Variants in WNT2B observed in about 807,000 individuals in gnomAD.
WNT2B encodes Wnt family member 2B, also known as protein Wnt-2b.
A neutral mutation model predicts 40.5 loss-of-function variants in WNT2B; 19 were observed. That is an observed-to-expected ratio of 0.47 (90% CI 0.33 to 0.69). The LOEUF is 0.69. Ranked by LOEUF, WNT2B falls within the 30% of genes least tolerant of loss-of-function variation. WNT2B has a pLI of 0.02. For missense variants in WNT2B, 467 were observed against 556.4 expected, an observed-to-expected ratio of 0.84 and a Z score of 1.62; for synonymous variants, 220 against 211.9, an observed-to-expected ratio of 1.04 and a Z score of -0.33.
chr1:112,512,267 A>C (rs895317863), intron 1 of WNT2B, among the ~76,000 whole-genome samples: 19 of 152,226 alleles, frequency 1.2e-4, no homozygotes, highest in African/African-American at 4.6e-4. Context: ...TAGTGATTGC[A>C]TACCTACTAT....
chr1:112,491,098 A>G lies in WNT2B; in HGVS notation c.-95+23507A>G, dbSNP rs751768135. ...TTTGCAAAGGTACATGATAATTAAA[A>G]TGTCAGATAACCAATTATAAAAAAT... On this transcript the variant is annotated intron_variant, in intron 1 of 4. Transcript: ENST00000256640. 50 of 1,611,760 alleles carry G rather than the reference A, an allele frequency of 3.1e-5. 1 individual carries two copies. The highest frequency in any genetic ancestry group is 2.5e-4 in the East Asian group (11 of 44,884).
chr1:112,477,886 T>C (rs960768406), intron 1 of WNT2B, among the ~76,000 whole-genome samples: 13 of 152,198 alleles, frequency 8.5e-5, no homozygotes, highest in African/African-American at 2.9e-4. Context: ...AGAAAGCCTA[T>C]GGGATTTATG....
intron 1 of WNT2B, among the ~76,000 whole-genome samples, chr1:112,483,454 A>T (rs751652495): frequency 6.6e-5 from 10 of 152,154 alleles, no homozygotes; most frequent in Non-Finnish European, 1.3e-4. Context: ...TCCATGTCTC[A>T]CACTATATAC....
At chr1:112,518,321 C>G (rs566369743) in intron 4 of WNT2B, 1 of 152,288 alleles carries the variant, frequency 6.6e-6, no homozygotes, top group East Asian at 1.9e-4. Flanking sequence ...CTCCCAGGCT[C>G]TTTTCTACAG....
intron 4 of WNT2B, 42 bp from the exon 5 acceptor site, chr1:112,520,238 A>G: frequency 6.4e-7 from 1 of 1,574,092 alleles, no homozygotes; most frequent in Non-Finnish European, 8.7e-7. Context: ...AGGGCAGCTG[A>G]AGAGATAACT....
intron 4 of WNT2B, among the ~76,000 whole-genome samples, chr1:112,519,094 A>T (rs1221217641): frequency 1.3e-5 from 2 of 152,102 alleles, no homozygotes; most frequent in Admixed American, 1.3e-4. Context: ...AGGACTTAAG[A>T]CCCAGCCCTT....
At position 112,526,188 on chromosome 1, in the gene WNT2B, C is replaced by T. The variant is rs1653348456; in HGVS notation, c.*5679C>T. ...ACAGCCAAGAGAGTATATCTGAGCACAGTTTACAAAGGAACAGCCTAGGCC... is the reference window on the plus strand; with the variant it reads ...ACAGCCAAGAGAGTATATCTGAGCATAGTTTACAAAGGAACAGCCTAGGCC... On this transcript the variant is annotated 3_prime_UTR_variant, in exon 5 of 5. Transcript: ENST00000369684. 2 of 1,594,944 alleles carry T rather than the reference C, an allele frequency of 1.3e-6. No individual in the cohort carries two copies. Among genetic ancestry groups the T allele is most frequent in the Middle Eastern group, 1.8e-4 (1 of 5,616 alleles).
At chr1:112,495,505 C>A (rs1013097600) in intron 1 of WNT2B, among the ~76,000 whole-genome samples, 1 of 151,822 alleles carries the variant, frequency 6.6e-6, no homozygotes, top group African/African-American at 2.4e-5. Context: ...AGGAGAATGG[C>A]GTGAACCCAG....
Position 112,527,367 on chromosome 1 carries a change from GCT to G in WNT2B, c.*6862_*6863del, listed in dbSNP as rs200828716. The G allele has an allele frequency of 6.0e-3, 913 of 152,798 alleles. 11 individuals are homozygous for G. Among genetic ancestry groups the G allele is most frequent in the Non-Finnish European group, 5.6e-3 (380 of 68,128 alleles). 9.5% of individuals were successfully genotyped at this position (152,798 alleles called of 1,614,324 possible). Reference sequence around the variant, plus strand: ...TTTATTTTTTGGTCCATCGATCTTGGCTCTCACTGTTCTCCCTGCTTCCCACC... The same window carrying G: ...TTTATTTTTTGGTCCATCGATCTTGGCTCACTGTTCTCCCTGCTTCCCACC... On this transcript the variant is annotated 3_prime_UTR_variant, in exon 5 of 5. Transcript: ENST00000369684.
rs964465139 is a variant in WNT2B, at chr1:112,509,679, G to T, written c.182+235G>T. On this transcript the variant is annotated intron_variant, in intron 1 of 4. Coordinates refer to ENST00000369684, the MANE Select transcript of WNT2B (RefSeq NM_024494.3). The surrounding 1 kb of genome is among the most constrained non-coding windows in gnomAD (Gnocchi z 4.2). ...CGGAGCAAGGATGCCCGGTGGTCGC[G>T]GCTCCTTAGGCCTCCACGTGCTGTA... Among the ~76,000 whole-genome samples the T allele has an allele frequency of 6.6e-6, 1 of 152,032 alleles. No individual in the cohort carries two copies. The highest frequency in any genetic ancestry group is 2.4e-5 in the African/African-American group (1 of 41,378).
intron 1 of WNT2B, among the ~76,000 whole-genome samples, chr1:112,470,730 T>A (rs1403446368): frequency 6.6e-6 from 1 of 152,070 alleles, no homozygotes; most frequent in Non-Finnish European, 1.5e-5. Flanking sequence ...CAGTCAGCTC[T>A]CAGGCTCACC....
At chr1:112,471,381 C>T (rs747681528) in intron 1 of WNT2B, among the ~76,000 whole-genome samples, 11 of 152,200 alleles carry the variant, frequency 7.2e-5, no homozygotes, top group Non-Finnish European at 1.2e-4. Flanking sequence ...CTGAGTTGAC[C>T]ACTCACTTCC....
In WNT2B at chr1:112,526,295, AT is replaced by A; in HGVS notation, c.*5788del. The A allele has an allele frequency of 3.2e-6, 2 of 622,226 alleles. No individual in the cohort carries two copies. The highest frequency in any genetic ancestry group is 6.7e-5 in the South Asian group (2 of 29,720). 38.5% of individuals were successfully genotyped at this position (622,226 alleles called of 1,614,324 possible). The stretch of plus-strand genomic sequence containing the variant: ...GTACCATGTGACCACTATACAACAT[AT>A]TCCACATTTAAACAACTCTGGCTCC... On this transcript the variant is annotated 3_prime_UTR_variant, in exon 5 of 5. Coordinates refer to ENST00000369684, the MANE Select transcript of WNT2B (RefSeq NM_024494.3).
chr1:112,488,796 T>C (rs1651502958), intron 1 of WNT2B, among the ~76,000 whole-genome samples: 1 of 152,058 alleles, frequency 6.6e-6, no homozygotes, highest in Admixed American at 6.5e-5. Flanking sequence ...CCTCGTGATC[T>C]GCCTGCCTCG....
chr1:112,487,826 C>T (rs1570771407), intron 1 of WNT2B, among the ~76,000 whole-genome samples: 1 of 148,186 alleles, frequency 6.7e-6, no homozygotes, highest in East Asian at 2.0e-4. Flanking sequence ...CCAGCTATGT[C>T]AGGAGGTTGA....
chr1:112,493,714 GGTATAACAT>G (rs983464354), intron 1 of WNT2B, among the ~76,000 whole-genome samples: 4 of 151,826 alleles, frequency 2.6e-5, no homozygotes, highest in African/African-American at 9.7e-5. Flanking sequence ...AACTATAAAA[GGTATAACAT>G]GTATAATGAG....
At position 112,526,002 on chromosome 1, in the gene WNT2B, CA is replaced by C; in HGVS notation, c.*5494del. On this transcript the variant is annotated 3_prime_UTR_variant, in exon 5 of 5. Transcript: ENST00000369684. ...GGTGATTTGTCCAAGGTCACATGAA[CA>C]GTGCGTGGCTCAGCCAGAACTCAAA... 6.2e-7 allele frequency: 1 copy of C among 1,613,832 alleles called. No individual in the cohort carries two copies. The highest frequency in any genetic ancestry group is 8.5e-7 in the Non-Finnish European group (1 of 1,179,820).
rs758731260 is a variant in WNT2B at position 112,515,112 on chromosome 1, C to G, written c.403+18C>G. 6.2e-7 allele frequency: 1 copy of G among 1,610,312 alleles called. No homozygotes were observed. The highest frequency in any genetic ancestry group is 1.7e-5 in the Admixed American group (1 of 59,640). ...GCTCAGAAGTAAGAGCCTCTTCCAT[C>G]CTGTGTCAGCTCCTTCCCTTTCTGT... On this transcript the variant is annotated intron_variant, in intron 2 of 4. Coordinates refer to ENST00000369684, the MANE Select transcript of WNT2B (RefSeq NM_024494.3). This position sits in a 1 kb window ranked among gnomAD's most constrained non-coding sequence, Gnocchi z 4.4.
Position 112,509,199 on chromosome 1 carries a change from G to C in WNT2B, c.-64G>C. The stretch of plus-strand genomic sequence containing the variant: ...GGGGGGTGAGGTAGGAGCAGCCTGA[G>C]TACCCCCAGAAGGTGCCCCGTCCAC... On this transcript the variant is annotated 5_prime_UTR_variant, in exon 1 of 5. Coordinates refer to ENST00000369684, the MANE Select transcript of WNT2B (RefSeq NM_024494.3). The surrounding 1 kb of genome is among the most constrained non-coding windows in gnomAD (Gnocchi z 4.2). The C allele has an allele frequency of 4.2e-6, 6 of 1,430,832 alleles. No homozygotes were observed. The highest frequency in any genetic ancestry group is 4.5e-6 in the Non-Finnish European group (5 of 1,103,790). The allele number at this position is 1,430,832 out of a possible 1,614,324, so 88.6% of individuals were successfully genotyped here.
Sources: gnomAD v4.1 joint callset for allele counts (sites outside exome capture counted in the v4.1 genomes callset) on GRCh38, gnomAD v4.1.1 for gene constraint, Gnocchi (gnomAD v3.1) non-coding constraint, MANE v1.5 for transcripts, NCBI Gene and HGNC (gene_info 2026-07-23, HGNC 2026-07-21) for gene names.